SRRM1: variants seen among roughly 807,000 people sequenced by gnomAD.
The protein encoded by SRRM1 is serine and arginine repetitive matrix 1.
SRRM1 carries 19 observed loss-of-function variants against 110.2 expected under a neutral mutation model. That is an observed-to-expected ratio of 0.17 (90% CI 0.12 to 0.25). The LOEUF (loss-of-function observed/expected upper bound fraction) is 0.25. SRRM1 is among the 10% of genes least tolerant of loss of function. The probability of loss-of-function intolerance (pLI) is 1.00; values close to 1 mark genes in which losing one functional copy is unlikely to be tolerated. For synonymous variants in SRRM1, 443 were observed against 414.9 expected, an observed-to-expected ratio of 1.07 and a Z score of -0.82; for missense variants, 918 against 1,145.8, an observed-to-expected ratio of 0.80 and a Z score of 2.87.
At chr1:24,656,459 C>G (rs1664154540) in intron 9 of SRRM1, among the ~76,000 whole-genome samples, 1 of 152,176 alleles carries the variant, frequency 6.6e-6, no homozygotes, top group South Asian at 2.1e-4. Flanking sequence ...TGTAACTGTT[C>G]CAGGTTCAGT....
At chr1:24,667,610 A>G (rs1670645727) in intron 13 of SRRM1, among the ~76,000 whole-genome samples, 1 of 152,234 alleles carries the variant, frequency 6.6e-6, no homozygotes, top group South Asian at 2.1e-4. Context: ...CAGTATTCAA[A>G]AGTGTCAGTC....
intron 5 of SRRM1, among the ~76,000 whole-genome samples, chr1:24,650,809 A>G (rs1401017245): frequency 1.3e-5 from 2 of 152,232 alleles, no homozygotes; most frequent in East Asian, 1.9e-4. Context: ...GGTGGTAACT[A>G]CTTGACTATT....
At position 24,652,502 on chromosome 1, in the gene SRRM1, C is replaced by A. The variant is rs775730036; in HGVS notation, c.794C>A (p.Ser265Tyr). The A allele has an allele frequency of 6.2e-6, 10 of 1,610,994 alleles. No homozygotes were observed. The Admixed American group carries it at 8.4e-5, about 13-fold the overall frequency. ...EPKEPSPEKN[S>Y]KKEKEKEKTR... ...AAAGAACCTTCTCCGGAAAAAAATT[C>A]CAAAAAAGAAAAGGAGAAGGAGAAG... The change falls in exon 7 of 17, where the codon TCC (serine) becomes TAC (tyrosine). Residue 265 changes from serine (S) to tyrosine (Y), a missense_variant. Ser to Tyr is a moderately radical substitution (Grantham distance 144). Around this residue, in one of 5 missense-constraint regions of SRRM1, gnomAD observed 456 missense variants for 453.5 expected, o/e 1.01. Transcript: ENST00000323848.
chr1:24,667,960 C>A (rs1227403145), intron 13 of SRRM1, among the ~76,000 whole-genome samples: 1 of 141,158 alleles, frequency 7.1e-6, no homozygotes, highest in African/African-American at 2.7e-5. Context: ...TGACATGCTG[C>A]CACTCTTTTT....
chr1:24,655,290 T>C (rs1177715020), intron 9 of SRRM1, among the ~76,000 whole-genome samples, 161 bp downstream of exon 9: 1 of 152,244 alleles, frequency 6.6e-6, no homozygotes. Flanking sequence ...TTTCCTGCTT[T>C]AAAATCTTGG....
At chr1:24,664,708 T>A (rs1669009682) in intron 12 of SRRM1, among the ~76,000 whole-genome samples, 1 of 152,142 alleles carries the variant, frequency 6.6e-6, no homozygotes, top group Admixed American at 6.5e-5. Flanking sequence ...AGGAAACTGC[T>A]CCATGATAAT....
At chr1:24,671,796 CTT>C (rs147129638) in intron 16 of SRRM1, among the ~76,000 whole-genome samples, 2,058 of 145,594 alleles carry the variant, frequency 0.014, 62 homozygotes, top group African/African-American at 0.05. Flanking sequence ...GATCCCCACA[CTT>C]TTTTTTTTTA....
intron 10 of SRRM1, 88 bp downstream of exon 10, chr1:24,660,887 C>G: frequency 1.1e-6 from 1 of 908,188 alleles, no homozygotes. Context: ...ATTTGGTCAT[C>G]CCCTTCTGCT....
At chr1:24,655,765 A>G (rs1279923347) in intron 9 of SRRM1, among the ~76,000 whole-genome samples, 1 of 152,152 alleles carries the variant, frequency 6.6e-6, no homozygotes, top group African/African-American at 2.4e-5. Context: ...TTAAATACGC[A>G]TGGAAAAAAC....
rs151060243 is a variant in SRRM1, at chr1:24,663,469, C to G, written c.1628+665C>G. ...CTTAGATTTTTAATATCTGGTTGTG[C>G]TCTTTTGTGATAATTTGCATCAACT... On this transcript the variant is annotated intron_variant, in intron 12 of 16. Coordinates refer to ENST00000323848, the MANE Select transcript of SRRM1 (RefSeq NM_005839.4). Among the ~76,000 whole-genome samples the G allele has an allele frequency of 2.9e-3, 439 of 152,120 alleles. 2 individuals are homozygous for G. The highest frequency in any genetic ancestry group is 3.3e-3 in the Non-Finnish European group (227 of 68,010).
chr1:24,643,588 C>T (rs966013255), intron 1 of SRRM1: 2 of 411,886 alleles, frequency 4.9e-6, no homozygotes, highest in Non-Finnish European at 8.5e-6. Context: ...CGGAAAATGG[C>T]GGCGGGAATG....
At chr1:24,643,393 G>A (rs377318044) in intron 1 of SRRM1, 46 bp downstream of exon 1, 31 of 1,511,944 alleles carry the variant, frequency 2.1e-5, no homozygotes, top group Middle Eastern at 3.5e-4. Flanking sequence ...GGACTTCTCG[G>A]TAAGGCCTGG....
intron 1 of SRRM1, 116 bp downstream of exon 1, chr1:24,643,463 T>A: frequency 1.2e-6 from 1 of 834,336 alleles, no homozygotes; most frequent in Non-Finnish European, 1.7e-6. Context: ...ATCTTAAGGA[T>A]TCCTCCTAGA....
rs1281569667 is a variant in SRRM1, at chr1:24,645,890, T to G, written c.22-94T>G. 9 of 915,818 alleles carry G rather than the reference T, an allele frequency of 9.8e-6. No homozygotes were observed. The East Asian group carries it at 2.0e-4, about 20-fold the overall frequency. The allele number at this position is 915,818 out of a possible 1,614,324, so 56.7% of individuals were successfully genotyped here. On this transcript the variant is annotated intron_variant, in intron 1 of 16. Transcript: ENST00000323848. ...AAAACTAGTTTGGTATTGTGTTTAC[T>G]TGGTTACCCTATTTTGGCTATAAAG...
At chr1:24,653,808 G>A (rs555061760) in intron 8 of SRRM1, among the ~76,000 whole-genome samples, 7 of 152,278 alleles carry the variant, frequency 4.6e-5, no homozygotes, top group Admixed American at 1.3e-4. Flanking sequence ...AAATGCCGAT[G>A]ATTAAGCTTC....
At chr1:24,665,391 T>C (rs1669424323) in intron 12 of SRRM1, among the ~76,000 whole-genome samples, 2 of 148,234 alleles carry the variant, frequency 1.3e-5, no homozygotes, top group Admixed American at 1.4e-4. Context: ...ATCGTGCCAT[T>C]GCACTCCAGC....
At chr1:24,656,894 CAA>C (rs1439701992) in intron 9 of SRRM1, among the ~76,000 whole-genome samples, 16 of 152,252 alleles carry the variant, frequency 1.1e-4, no homozygotes, top group East Asian at 1.9e-4. Context: ...GCAAACAAGA[CAA>C]GAGTGGATAT....
intron 5 of SRRM1, 71 bp from the exon 6 acceptor site, chr1:24,651,338 A>T (rs904935096): frequency 1.6e-6 from 2 of 1,246,388 alleles, no homozygotes; most frequent in Non-Finnish European, 2.3e-6. Context: ...ATTAATCCTC[A>T]CTTCTCCCTT....
intron 14 of SRRM1, 69 bp from the exon 15 acceptor site, chr1:24,670,051 G>A (rs562978911): frequency 1.5e-6 from 2 of 1,357,512 alleles, no homozygotes; most frequent in South Asian, 2.9e-5. Context: ...GTACAGTGTA[G>A]TTGGTGGTTT....
Sources: allele counts gnomAD v4.1 joint callset (sites outside exome capture counted in the v4.1 genomes callset), GRCh38; gene constraint gnomAD v4.1.1; regional missense constraint gnomAD v4.1.1; transcripts MANE v1.5; gene names NCBI Gene and HGNC (gene_info 2026-07-23, HGNC 2026-07-21).